The following SLC49A4 variants were observed in gnomAD, a reference collection of about 807,000 sequenced individuals.
The protein encoded by SLC49A4 is disrupted in renal cancer protein 2.
A neutral mutation model predicts 50.6 loss-of-function variants in SLC49A4; 36 were observed. That is an observed-to-expected ratio of 0.71 (90% confidence interval 0.55 to 0.94). SLC49A4 has a LOEUF of 0.94. Ranked by LOEUF, SLC49A4 falls within the 40% of genes least tolerant of loss-of-function variation. The pLI is 0.00. For missense variants in SLC49A4, 503 were observed against 605.7 expected, an observed-to-expected ratio of 0.83 and a Z score of 1.78; for synonymous variants, 248 against 241.2, an observed-to-expected ratio of 1.03 and a Z score of -0.26.
chr3:122,803,194 T>C (rs1385823766), intron 1 of SLC49A4, among the ~76,000 whole-genome samples: 1 of 151,886 alleles, frequency 6.6e-6, no homozygotes, highest in Non-Finnish European at 1.5e-5. Context: ...CTTAAAAGCA[T>C]GGAGAGAAAA....
At chr3:122,833,232 C>T (rs1263447735) in intron 3 of SLC49A4, 85 bp from the exon 4 acceptor site, 7 of 1,361,542 alleles carry the variant, frequency 5.1e-6, no homozygotes, top group South Asian at 2.5e-5. Flanking sequence ...CGGAGTGAGA[C>T]CCTGTTTCAA....
chr3:122,835,602 C>T (rs1237948222), intron 4 of SLC49A4, among the ~76,000 whole-genome samples: 2 of 151,652 alleles, frequency 1.3e-5, no homozygotes, highest in African/African-American at 4.8e-5. Context: ...ATAGAAGGGA[C>T]ATACTTCAAA....
intron 7 of SLC49A4, 139 bp from the exon 8 acceptor site, chr3:122,872,276 C>A: frequency 1.4e-6 from 1 of 712,616 alleles, no homozygotes; most frequent in Non-Finnish European, 2.3e-6. Context: ...ATGTGTGATG[C>A]TTTGTCAAAC....
chr3:122,870,669 T>G (rs1937184661), intron 7 of SLC49A4, among the ~76,000 whole-genome samples: 1 of 151,092 alleles, frequency 6.6e-6, no homozygotes, highest in Non-Finnish European at 1.5e-5. Flanking sequence ...AAAATTTAGC[T>G]TGGCATGGTG....
At position 122,795,149 on chromosome 3, in the gene SLC49A4, A is replaced by G. The variant is rs2107551332; in HGVS notation, c.-44A>G. On this transcript the variant is annotated 5_prime_UTR_variant, in exon 1 of 9. Coordinates refer to ENST00000261038, the MANE Select transcript of SLC49A4 (RefSeq NM_032839.3). ...TTCTGCGCTGGGCTAGTCGGCGGTGACCCGGACTGCGCCCGGCAGTGGCTT... is the reference window on the plus strand; with the variant it reads ...TTCTGCGCTGGGCTAGTCGGCGGTGGCCCGGACTGCGCCCGGCAGTGGCTT... 8 of 1,305,316 alleles carry G rather than the reference A, an allele frequency of 6.1e-6. No individual in the cohort carries two copies. The highest frequency in any genetic ancestry group is 7.7e-6 in the Non-Finnish European group (8 of 1,035,732). The allele number at this position is 1,305,316 out of a possible 1,614,324, so 80.9% of individuals were successfully genotyped here.
At chr3:122,825,091 T>C (rs961644772) in intron 2 of SLC49A4, among the ~76,000 whole-genome samples, 1 of 152,184 alleles carries the variant, frequency 6.6e-6, no homozygotes, top group Non-Finnish European at 1.5e-5. Context: ...ATTTCTTCCA[T>C]GTTCTCCTTC....
chr3:122,805,177 A>G (rs1424200851), intron 1 of SLC49A4, among the ~76,000 whole-genome samples: 1 of 152,180 alleles, frequency 6.6e-6, no homozygotes, highest in Non-Finnish European at 1.5e-5. Flanking sequence ...TCCTGTGGCT[A>G]TAATGTGATT....
intron 7 of SLC49A4, among the ~76,000 whole-genome samples, chr3:122,862,294 A>T (rs1937066592): frequency 6.6e-6 from 1 of 152,176 alleles, no homozygotes. Context: ...AACACTGAAA[A>T]AATTACTGAG....
At chr3:122,852,278 C>T (rs1393164012) in intron 5 of SLC49A4, among the ~76,000 whole-genome samples, 2 of 152,164 alleles carry the variant, frequency 1.3e-5, no homozygotes, top group African/African-American at 4.8e-5. Flanking sequence ...CGGCATGAGC[C>T]ACCACACCTG....
rs1324301258 is a variant in SLC49A4 at position 122,848,648 on chromosome 3, C to T, written c.942+2777C>T. 3.9e-5 allele frequency among the ~76,000 whole-genome samples: 6 copies of T among 152,086 alleles called. No homozygotes were observed. In the East Asian group the frequency reaches 1.2e-3, roughly 29 times the overall value. The stretch of plus-strand genomic sequence containing the variant: ...GTATTTGATACTTTTTGAAGCTGAG[C>T]AGCTTTTAAAATTTTTATTTTATTT... On this transcript the variant is annotated intron_variant, in intron 5 of 8. Transcript: ENST00000261038.
intron 2 of SLC49A4, among the ~76,000 whole-genome samples, chr3:122,817,927 T>A (rs1936397358): frequency 6.6e-6 from 1 of 152,032 alleles, no homozygotes; most frequent in Admixed American, 6.6e-5. Context: ...TGCTCTGTGC[T>A]GATGAAGCAG....
At chr3:122,814,899 T>C (rs780607127) in intron 2 of SLC49A4, among the ~76,000 whole-genome samples, 74 of 152,080 alleles carry the variant, frequency 4.9e-4, no homozygotes, top group Non-Finnish European at 9.0e-4. Context: ...ATCCAAAAGA[T>C]TGGACACCCC....
rs1316707587 is a variant in SLC49A4 at position 122,795,293 on chromosome 3, CGGCGGCGCTGCCCGCGGCGGT to C, written c.102_122del (p.Ala35_Val41del). 9 of 1,428,552 alleles carry C rather than the reference CGGCGGCGCTGCCCGCGGCGGT, an allele frequency of 6.3e-6. No individual in the cohort carries two copies. The highest frequency in any genetic ancestry group is 7.2e-6 in the Non-Finnish European group (8 of 1,104,252). The allele number at this position is 1,428,552 out of a possible 1,614,324, so 88.5% of individuals were successfully genotyped here. A position where few individuals can be genotyped will look rare whatever the true frequency, so the allele number is the denominator to read the frequency against. ...TCCTGGAGAAGCCGGGAGGCGGCGGCGGCGGCGCTGCCCGCGGCGGTCCCGGGTCCCGGGCGGGTATACGGG... is the reference window on the plus strand; with the variant it reads ...TCCTGGAGAAGCCGGGAGGCGGCGGCCCCGGGTCCCGGGCGGGTATACGGG... On this transcript the variant is annotated inframe_deletion, in exon 1 of 9. Transcript: ENST00000261038.
intron 7 of SLC49A4, among the ~76,000 whole-genome samples, chr3:122,868,158 A>T (rs1465965065): frequency 6.6e-6 from 1 of 152,100 alleles, no homozygotes; most frequent in African/African-American, 2.4e-5. Context: ...TGTTTCCCTA[A>T]AGTTTAGTAA....
intron 4 of SLC49A4, among the ~76,000 whole-genome samples, chr3:122,836,197 A>G (rs751336926): frequency 6.6e-6 from 1 of 152,166 alleles, no homozygotes; most frequent in Non-Finnish European, 1.5e-5. Flanking sequence ...TGAGAGTTTT[A>G]GCATGAAGGG....
At chr3:122,859,747 G>A (rs1411411362) in intron 6 of SLC49A4, among the ~76,000 whole-genome samples, 1 of 152,078 alleles carries the variant, frequency 6.6e-6, no homozygotes, top group Admixed American at 6.6e-5. Flanking sequence ...TTGAGCCTGG[G>A]AGGTGAGGCT....
intron 4 of SLC49A4, among the ~76,000 whole-genome samples, chr3:122,840,041 G>A (rs1451967438): frequency 6.6e-6 from 1 of 152,160 alleles, no homozygotes; most frequent in African/African-American, 2.4e-5. Flanking sequence ...ATACACCATA[G>A]AATACTACTC....
intron 5 of SLC49A4, among the ~76,000 whole-genome samples, chr3:122,849,634 A>G (rs1232447117): frequency 2.0e-5 from 3 of 152,054 alleles, no homozygotes; most frequent in Non-Finnish European, 4.4e-5. Flanking sequence ...TCTTTTGAGA[A>G]ATGTCTATTC....
intron 7 of SLC49A4, among the ~76,000 whole-genome samples, chr3:122,862,474 A>G (rs997723274): frequency 6.6e-6 from 1 of 152,214 alleles, no homozygotes; most frequent in Non-Finnish European, 1.5e-5. Context: ...CTGGCATCCT[A>G]CATTGGAGTT....
Sources: gnomAD v4.1 joint callset for allele counts (sites outside exome capture counted in the v4.1 genomes callset) on GRCh38, gnomAD v4.1.1 for gene constraint, MANE v1.5 for transcripts, NCBI Gene and HGNC (gene_info 2026-07-23, HGNC 2026-07-21) for gene names.